The following SEMA3D variants were observed in gnomAD, a reference collection of about 807,000 sequenced individuals.
SEMA3D encodes semaphorin 3D.
Under a neutral mutation model 100.1 loss-of-function variants are expected in SEMA3D, and 84 were observed. The observed-to-expected ratio is 0.84, with a 90% CI of 0.70 to 1.01. The LOEUF (loss-of-function observed/expected upper bound fraction) is 1.01. SEMA3D is among the 50% of genes least tolerant of loss of function. SEMA3D has a pLI of 0.00. For synonymous variants in SEMA3D, 312 were observed against 320.7 expected, an observed-to-expected ratio of 0.97 and a Z score of 0.29; for missense variants, 875 against 934.1, an observed-to-expected ratio of 0.94 and a Z score of 0.82.
chr7:85,009,859 G>T (rs1212587285), intron 17 of SEMA3D, among the ~76,000 whole-genome samples: 1 of 151,668 alleles, frequency 6.6e-6, no homozygotes, highest in East Asian at 1.9e-4. Flanking sequence ...ATCATTTTAG[G>T]TGCTAGGATA....
the SEMA3D span, among the ~76,000 whole-genome samples, chr7:85,245,774 T>G: frequency 2.3e-4 from 35 of 152,106 alleles, no homozygotes; most frequent in African/African-American, 8.4e-4. Context: ...TATTTCTCAT[T>G]ATATCTTCTC....
chr7:85,230,364 T>A, the SEMA3D span, among the ~76,000 whole-genome samples: 1 of 152,176 alleles, frequency 6.6e-6, no homozygotes, highest in Non-Finnish European at 1.5e-5. Flanking sequence ...TGTTTCTGTG[T>A]TGTTGATTTT....
At chr7:85,139,645 T>C (rs950371572) in intron 2 of SEMA3D, among the ~76,000 whole-genome samples, 2 of 152,064 alleles carry the variant, frequency 1.3e-5, no homozygotes, top group Admixed American at 6.6e-5. Flanking sequence ...ACCTAAGATG[T>C]CATTTTAATA....
chr7:85,100,433 C>T (rs536480514), intron 3 of SEMA3D, among the ~76,000 whole-genome samples: 7 of 151,318 alleles, frequency 4.6e-5, no homozygotes, highest in African/African-American at 4.8e-5. Flanking sequence ...CAAGTACTTA[C>T]GATATTATCT....
chr7:85,168,818 G>GAAAGA (rs1266120369), intron 1 of SEMA3D, among the ~76,000 whole-genome samples: 213 of 64,062 alleles, frequency 3.3e-3, no homozygotes, highest in East Asian at 0.011. Context: ...AAGAAAGAAA[G>GAAAGA]ATGAAAGAAA....
At chr7:85,148,052 A>G (rs188473313) in intron 2 of SEMA3D, among the ~76,000 whole-genome samples, 4 of 152,336 alleles carry the variant, frequency 2.6e-5, no homozygotes, top group Non-Finnish European at 5.9e-5. Context: ...CTATGGTCAG[A>G]GATCACAATG....
intron 1 of SEMA3D, among the ~76,000 whole-genome samples, chr7:85,172,959 G>T (rs1034592879): frequency 6.6e-6 from 1 of 151,994 alleles, no homozygotes; most frequent in Non-Finnish European, 1.5e-5. Flanking sequence ...TTTAACAAAA[G>T]ATCCCAAGAG....
intron 12 of SEMA3D, among the ~76,000 whole-genome samples, chr7:85,025,722 T>C (rs1340470675): frequency 6.6e-6 from 1 of 151,726 alleles, no homozygotes; most frequent in Non-Finnish European, 1.5e-5. Context: ...ATTTATAGAG[T>C]AAAAATGCAA....
intron 12 of SEMA3D, among the ~76,000 whole-genome samples, chr7:85,023,233 C>T (rs1790303953): frequency 6.6e-6 from 1 of 151,848 alleles, no homozygotes. Context: ...ATGTGCCTTT[C>T]AGCATCCACT....
chr7:85,240,275 T>TA, the SEMA3D span, among the ~76,000 whole-genome samples: 1 of 152,164 alleles, frequency 6.6e-6, no homozygotes. Context: ...TTTTTCTTTT[T>TA]AGATTGTTGA....
chr7:85,193,375 A>G, the SEMA3D span, among the ~76,000 whole-genome samples: 5 of 152,160 alleles, frequency 3.3e-5, no homozygotes, highest in African/African-American at 1.2e-4. Flanking sequence ...TGGTCCTCAC[A>G]AGAAGTATCA....
chr7:85,094,717 G>C (rs1204839134), intron 4 of SEMA3D, among the ~76,000 whole-genome samples: 1 of 151,852 alleles, frequency 6.6e-6, no homozygotes, highest in Non-Finnish European at 1.5e-5. Context: ...CTAGTGTTGG[G>C]GGAATGGACT....
the SEMA3D span, among the ~76,000 whole-genome samples, chr7:85,233,855 A>G: frequency 6.6e-6 from 1 of 152,208 alleles, no homozygotes; most frequent in Non-Finnish European, 1.5e-5. Context: ...GCTCTTCCAG[A>G]TTAAAAGAGA....
chr7:85,042,216 A>G lies in SEMA3D; in HGVS notation c.931T>C (p.Ser311Pro). 1 of 1,613,674 alleles carries G rather than the reference A, an allele frequency of 6.2e-7. No homozygotes were observed. Among genetic ancestry groups the G allele is most frequent in the Non-Finnish European group, 8.5e-7 (1 of 1,179,690 alleles). Residue 311 changes from serine to proline, a missense_variant, in exon 10 of 19, where the codon TCA (serine) becomes CCA (proline). Coordinates refer to ENST00000284136, the MANE Select transcript of SEMA3D (RefSeq NM_001384900.1). ...TTFLKARLIC[S>P]IPGSDGADTY... Reference sequence around the variant, plus strand: ...TCTGCCCCATCACTTCCAGGAATTGAGCAAATCAGTCTGGCCTTAAGAAAA... The same window carrying G: ...TCTGCCCCATCACTTCCAGGAATTGGGCAAATCAGTCTGGCCTTAAGAAAA...
Position 85,015,143 on chromosome 7 carries a change from G to A in SEMA3D, c.1619C>T (p.Ala540Val), listed in dbSNP as rs1447178553. ...SLHRCDTYGK[A>V]CADCCLARDP... ...TCTGGCAAGACAACAGTCTGCGCAA[G>A]CTTTCCCATAAGTGTCGCATCTGTG... The change falls in exon 16 of 19, where the codon GCT (alanine) becomes GTT (valine). Residue 540 changes from alanine (A) to valine (V), a missense_variant. Transcript: ENST00000284136. 1 of 1,611,846 alleles carries A rather than the reference G, an allele frequency of 6.2e-7. No individual in the cohort carries two copies. The highest frequency in any genetic ancestry group is 8.5e-7 in the Non-Finnish European group (1 of 1,178,552).
Position 85,181,357 on chromosome 7 carries a change from CACACAT to C in SEMA3D, c.-173+5315_-173+5320del, listed in dbSNP as rs1480655256. On this transcript the variant is annotated intron_variant, in intron 1 of 18. Coordinates refer to ENST00000284136, the MANE Select transcript of SEMA3D (RefSeq NM_001384900.1). ...ACACACACACACACACACACACACA[CACACAT>C]GCACTGCTAGAGTTGTATTGAAAAG... Among the ~76,000 whole-genome samples, 775 of 146,800 alleles carry C rather than the reference CACACAT, an allele frequency of 5.3e-3. 11 individuals are homozygous for C. Among genetic ancestry groups the C allele is most frequent in the African/African-American group, 0.018 (736 of 39,924 alleles).
chr7:85,036,896 G>T lies in SEMA3D; in HGVS notation c.1184C>A (p.Pro395His). ...ATTAAGTTGGATACATACTGTACCA[G>T]GCCGTGGATAAGGAATTCTCCCATC... ...QYDGRIPYPR[P>H]GTCPSKTYDP... is the part of the protein sequence containing the mutation. The change falls in exon 12 of 19, where the codon CCT (proline) becomes CAT (histidine). Residue 395 changes from proline (P) to histidine (H), a missense_variant. Pro to His is a moderately conservative substitution (Grantham distance 77, BLOSUM62 -2). Coordinates refer to ENST00000284136, the MANE Select transcript of SEMA3D (RefSeq NM_001384900.1). 1 of 1,612,606 alleles carries T rather than the reference G, an allele frequency of 6.2e-7. No individual in the cohort carries two copies. Among genetic ancestry groups the T allele is most frequent in the Non-Finnish European group, 8.5e-7 (1 of 1,178,906 alleles).
upstream of SEMA3D, among the ~76,000 whole-genome samples, chr7:85,189,317 T>G (rs1239182147): frequency 6.6e-6 from 1 of 152,096 alleles, no homozygotes; most frequent in Non-Finnish European, 1.5e-5. Context: ...GTCACTGGAT[T>G]TATTTCTGAA....
intron 18 of SEMA3D, among the ~76,000 whole-genome samples, chr7:85,001,782 C>G (rs1789661801): frequency 6.6e-6 from 1 of 152,092 alleles, no homozygotes; most frequent in African/African-American, 2.4e-5. Context: ...CATACTACTG[C>G]CATGCTGCTT....
Sources: gnomAD v4.1 joint callset for allele counts (sites outside exome capture counted in the v4.1 genomes callset) on GRCh38, gnomAD v4.1.1 for gene constraint, MANE v1.5 for transcripts, NCBI Gene and HGNC (gene_info 2026-07-23, HGNC 2026-07-21) for gene names.